FBXO32: variants seen among roughly 807,000 people sequenced by gnomAD.
The protein encoded by FBXO32 is F-box protein 32, also known as F-box only protein 32.
In FBXO32, 15 loss-of-function variants were observed where a neutral mutation model predicts 48.3. That is an observed-to-expected ratio of 0.31 (90% CI 0.21 to 0.48). FBXO32 has a LOEUF of 0.48. Among genes scored for constraint, FBXO32 ranks in the 20% least tolerant of loss-of-function variants. The probability of loss-of-function intolerance (pLI) is 0.99; values close to 1 mark genes in which losing one functional copy is unlikely to be tolerated. For missense variants in FBXO32, 309 were observed against 432.7 expected (o/e 0.71, Z 2.54); for synonymous variants, 154 against 165.9 (o/e 0.93, Z 0.55).
chr8:123,503,424 GCT>G lies in FBXO32; in HGVS notation c.1015_1016del (p.Ser339LeufsTer22). 6.2e-7 allele frequency: 1 copy of G among 1,614,184 alleles called. No individual in the cohort carries two copies. The highest frequency in any genetic ancestry group is 8.5e-7 in the Non-Finnish European group (1 of 1,180,016). On this transcript the variant is annotated frameshift_variant, in exon 9 of 9. Coordinates refer to ENST00000517956, the MANE Select transcript of FBXO32 (RefSeq NM_058229.4). LOFTEE classifies it high-confidence loss of function. ...CCTGGGGTGAAAGTGAAACGGAGCA[GCT>G]CTCTGGGTTATTGGCAGTGCACGGA... ...DHPCTANNPE[S>X]CSVSLSPQDF...
In FBXO32 at chr8:123,506,601, G is replaced by C. The variant is rs1294464210; in HGVS notation, c.652-27C>G. 4.5e-6 allele frequency: 7 copies of C among 1,552,360 alleles called. No individual in the cohort carries two copies. The highest frequency in any genetic ancestry group is 2.3e-5 in the East Asian group (1 of 43,894). On this transcript the variant is annotated intron_variant, in intron 6 of 8. Transcript: ENST00000517956. This position sits in a 1 kb window ranked among gnomAD's most constrained non-coding sequence, Gnocchi z 4.0. ...TGCAGAGAGAAGGGTGACAATAGGTGGGGGGGCCAGAGAGCAGCGATTCAC... is the reference window on the plus strand; with the variant it reads ...TGCAGAGAGAAGGGTGACAATAGGTCGGGGGGCCAGAGAGCAGCGATTCAC...
At position 123,498,698 on chromosome 8, in the gene FBXO32, A is replaced by G. The variant is rs115900056; in HGVS notation, c.*4675T>C. On this transcript the variant is annotated 3_prime_UTR_variant, in exon 9 of 9. Transcript: ENST00000517956. Reference sequence around the variant, plus strand: ...GAGGAAACACCTGCTTCGGAATCTCAGTTTCTAGGGAGCAAGCCACTGCCC... The same window carrying G: ...GAGGAAACACCTGCTTCGGAATCTCGGTTTCTAGGGAGCAAGCCACTGCCC... 5.8e-4 allele frequency: 88 copies of G among 152,296 alleles called. No homozygotes were observed. Among genetic ancestry groups the G allele is most frequent in the African/African-American group, 2.1e-3 (86 of 41,568 alleles). 9.4% of individuals were successfully genotyped at this position (152,296 alleles called of 1,614,324 possible).
At chr8:123,520,014 C>T (rs924609625) in intron 4 of FBXO32, among the ~76,000 whole-genome samples, 23 of 152,184 alleles carry the variant, frequency 1.5e-4, no homozygotes, top group African/African-American at 5.3e-4. Flanking sequence ...TCCTGAGCTC[C>T]TGACCTCAGG....
chr8:123,502,289 C>G lies in FBXO32; in HGVS notation c.*1084G>C, dbSNP rs1193071245. 1.3e-5 allele frequency: 2 copies of G among 152,270 alleles called. No homozygotes were observed. Among genetic ancestry groups the G allele is most frequent in the African/African-American group, 4.8e-5 (2 of 41,444 alleles). 9.4% of individuals were successfully genotyped at this position (152,270 alleles called of 1,614,324 possible). On this transcript the variant is annotated 3_prime_UTR_variant, in exon 9 of 9. Coordinates refer to ENST00000517956, the MANE Select transcript of FBXO32 (RefSeq NM_058229.4). ...AAAACCTGTCTTTCGAGCCTCAGCA[C>G]TTGGGCCCCACTCTGTCCACAGACA... is the stretch of plus-strand genomic sequence containing the variant.
intron 4 of FBXO32, among the ~76,000 whole-genome samples, chr8:123,520,393 C>A (rs1380947890): frequency 6.6e-6 from 1 of 152,054 alleles, no homozygotes; most frequent in Non-Finnish European, 1.5e-5. Context: ...TGTGGGCACT[C>A]TGGGCATCCG....
At chr8:123,535,551 T>C (rs1475688291) in intron 1 of FBXO32, among the ~76,000 whole-genome samples, 1 of 152,194 alleles carries the variant, frequency 6.6e-6, no homozygotes, top group East Asian at 1.9e-4. Context: ...TGAACAGACA[T>C]TGGATGTACC....
chr8:123,534,859 C>A (rs780467607), intron 1 of FBXO32, 45 bp from the exon 2 acceptor site: 3 of 1,246,970 alleles, frequency 2.4e-6, no homozygotes, highest in Non-Finnish European at 3.5e-6. Context: ...AACAGCTATA[C>A]ATGAACCTGA....
chr8:123,529,369 T>C (rs1374884868), intron 4 of FBXO32, among the ~76,000 whole-genome samples: 3 of 152,158 alleles, frequency 2.0e-5, no homozygotes, highest in African/African-American at 7.2e-5. Flanking sequence ...TAGGGGGAAA[T>C]CAATAATTTT....
Position 123,503,217 on chromosome 8 carries a change from AT to A in FBXO32, c.*155del, listed in dbSNP as rs770754451. ...TCTTAAATTCCCAGTCAGCAACTGC[AT>A]TTCTCCCCTCCAATGTCCTCTCCAT... On this transcript the variant is annotated 3_prime_UTR_variant, in exon 9 of 9. Transcript: ENST00000517956. 28 of 517,758 alleles carry A rather than the reference AT, an allele frequency of 5.4e-5. No individual in the cohort carries two copies. The highest frequency in any genetic ancestry group is 8.4e-5 in the Non-Finnish European group (25 of 298,012). The allele number at this position is 517,758 out of a possible 1,614,324, so 32.1% of individuals were successfully genotyped here.
In FBXO32 at chr8:123,502,064, G is replaced by A. The variant is rs986106030; in HGVS notation, c.*1309C>T. ...TCTTCCTGTTTTAACTACCCAGCCC[G>A]GAAGCAAGTTTAAGATGAACTTGTG... On this transcript the variant is annotated 3_prime_UTR_variant, in exon 9 of 9. Transcript: ENST00000517956. 2.0e-5 allele frequency: 3 copies of A among 152,062 alleles called. No individual in the cohort carries two copies. Among genetic ancestry groups the A allele is most frequent in the African/African-American group, 2.4e-5 (1 of 41,398 alleles). The allele number at this position is 152,062 out of a possible 1,614,324, so 9.4% of individuals were successfully genotyped here.
At position 123,525,975 on chromosome 8, in the gene FBXO32, A is replaced by G. The variant is rs1817064976; in HGVS notation, c.372+5923T>C. 6.6e-6 allele frequency among the ~76,000 whole-genome samples: 1 copy of G among 151,900 alleles called. No individual in the cohort carries two copies. The highest frequency in any genetic ancestry group is 2.1e-4 in the South Asian group (1 of 4,802). ...CCTGCGTACTAGATAATATAGCCTC[A>G]CACTCAAAGCCTCTTCTCAAGTCTG... On this transcript the variant is annotated intron_variant, in intron 4 of 8. Transcript: ENST00000517956. The surrounding 1 kb of genome is among the most constrained non-coding windows in gnomAD (Gnocchi z 4.3).
At chr8:123,511,811 T>C (rs1197381297) in intron 6 of FBXO32, among the ~76,000 whole-genome samples, 1 of 152,158 alleles carries the variant, frequency 6.6e-6, no homozygotes, top group Admixed American at 6.6e-5. Context: ...CTGAAGTTGC[T>C]GAAGGGAAGT....
intron 7 of FBXO32, among the ~76,000 whole-genome samples, chr8:123,505,949 A>G (rs1816608283): frequency 6.6e-6 from 1 of 151,922 alleles, no homozygotes; most frequent in African/African-American, 2.4e-5. Context: ...CAGGGTGGGC[A>G]TGGGGACTCA....
intron 8 of FBXO32, 30 bp downstream of exon 8, chr8:123,504,574 G>C: frequency 6.2e-7 from 1 of 1,601,080 alleles, no homozygotes; most frequent in Non-Finnish European, 8.5e-7. Flanking sequence ...TGGGCTGGGG[G>C]TCTGTGGCAG....
At position 123,534,719 on chromosome 8, in the gene FBXO32, C is replaced by T. The variant is rs1817277082; in HGVS notation, c.212G>A (p.Ser71Asn). ...TGGCTTACACTGAGTTTTGGTTTTGCTATTCAGCATGTCCTTCTTTCTCTT... is the reference window on the plus strand; with the variant it reads ...TGGCTTACACTGAGTTTTGGTTTTGTTATTCAGCATGTCCTTCTTTCTCTT... The part of the protein sequence containing the change: ...AKKRKKDMLN[S>N]KTKTQYFHQE... Residue 71 changes from serine (S) to asparagine (N), a missense_variant, in exon 2 of 9, where the codon AGC (serine) becomes AAC (asparagine). Physicochemically the swap from Ser to Asn is conservative, Grantham distance 46. Transcript: ENST00000517956. The T allele has an allele frequency of 2.5e-6, 4 of 1,612,872 alleles. No individual in the cohort carries two copies. The highest frequency in any genetic ancestry group is 1.7e-4 in the Middle Eastern group (1 of 6,052).
intron 8 of FBXO32, among the ~76,000 whole-genome samples, 155 bp from the exon 9 acceptor site, chr8:123,503,617 A>G (rs1816546684): frequency 6.6e-6 from 1 of 152,180 alleles, no homozygotes; most frequent in African/African-American, 2.4e-5. Context: ...GGGAGCTGTG[A>G]AAGTAGATTT....
intron 1 of FBXO32, among the ~76,000 whole-genome samples, chr8:123,535,159 T>C (rs1353074334): frequency 6.6e-6 from 1 of 151,728 alleles, no homozygotes; most frequent in Non-Finnish European, 1.5e-5. Flanking sequence ...AAATGACGAA[T>C]GGGGGGAGGG....
In FBXO32 at chr8:123,506,780, C is replaced by T. The variant is rs1207930253; in HGVS notation, c.652-206G>A. Among the ~76,000 whole-genome samples, 1 of 152,192 alleles carries T rather than the reference C, an allele frequency of 6.6e-6. No individual in the cohort carries two copies. The highest frequency in any genetic ancestry group is 2.4e-5 in the African/African-American group (1 of 41,450). On this transcript the variant is annotated intron_variant, in intron 6 of 8. Coordinates refer to ENST00000517956, the MANE Select transcript of FBXO32 (RefSeq NM_058229.4). This position sits in a 1 kb window ranked among gnomAD's most constrained non-coding sequence, Gnocchi z 4.0. ...TCAATGAAGTGTGGAGTGCGCTGAG[C>T]TGAGTGGTGCCAGAGGGATCGCCCT...
At position 123,525,643 on chromosome 8, in the gene FBXO32, C is replaced by A. The variant is rs888785670; in HGVS notation, c.372+6255G>T. Among the ~76,000 whole-genome samples the A allele has an allele frequency of 3.3e-5, 5 of 152,194 alleles. No homozygotes were observed. Among genetic ancestry groups the A allele is most frequent in the African/African-American group, 9.7e-5 (4 of 41,444 alleles). ...AACACTGGAGCAGGAGTCGGAGAAC[C>A]AGGCTTAGGTCCTGCCTTTATTCCA... On this transcript the variant is annotated intron_variant, in intron 4 of 8. Coordinates refer to ENST00000517956, the MANE Select transcript of FBXO32 (RefSeq NM_058229.4). This position sits in a 1 kb window ranked among gnomAD's most constrained non-coding sequence, Gnocchi z 4.3.
Sources: gnomAD v4.1 joint callset for allele counts (sites outside exome capture counted in the v4.1 genomes callset) on GRCh38, gnomAD v4.1.1 for gene constraint, Gnocchi (gnomAD v3.1) non-coding constraint, MANE v1.5 for transcripts, NCBI Gene and HGNC (gene_info 2026-07-23, HGNC 2026-07-21) for gene names.